TSHR: variants seen among roughly 807,000 people sequenced by gnomAD.
TSHR encodes the protein thyrotropin receptor.
In TSHR, 51 loss-of-function variants were observed where a neutral mutation model predicts 64.1. The observed-to-expected ratio is 0.80, with a 90% CI of 0.64 to 1.01. TSHR has a LOEUF of 1.01. TSHR is among the 50% of genes least tolerant of loss of function. The pLI is 0.00. For synonymous variants in TSHR, 361 were observed against 361.9 expected, an observed-to-expected ratio of 1.00 and a Z score of 0.03; for missense variants, 877 against 942.8, an observed-to-expected ratio of 0.93 and a Z score of 0.91.
At chr14:81,101,143 A>T (rs981651072) in intron 7 of TSHR, among the ~76,000 whole-genome samples, 26 of 152,240 alleles carry the variant, frequency 1.7e-4, no homozygotes, top group Admixed American at 1.7e-3. Flanking sequence ...GTGTGCCAGG[A>T]AACAGATAAG....
At chr14:81,018,651 T>C (rs184788722) in intron 1 of TSHR, among the ~76,000 whole-genome samples, 5 of 152,284 alleles carry the variant, frequency 3.3e-5, no homozygotes, top group African/African-American at 9.6e-5. Flanking sequence ...TACCTAGAAA[T>C]GAACCTGCAT....
At chr14:81,129,727 C>A (rs148054513) in intron 8 of TSHR, among the ~76,000 whole-genome samples, 1 of 152,328 alleles carries the variant, frequency 6.6e-6, no homozygotes, top group East Asian at 1.9e-4. Context: ...TGTCCCACTA[C>A]CACATCTACC....
chr14:81,123,122 G>A (rs548347716), intron 8 of TSHR, among the ~76,000 whole-genome samples: 100 of 120,296 alleles, frequency 8.3e-4, no homozygotes, highest in African/African-American at 3.6e-3. Context: ...GCAAGACTCC[G>A]TCTAAGAAAA....
At chr14:81,125,398 A>G (rs1357228592) in intron 8 of TSHR, among the ~76,000 whole-genome samples, 4 of 152,194 alleles carry the variant, frequency 2.6e-5, no homozygotes, top group Non-Finnish European at 4.4e-5. Flanking sequence ...CTGACGCAGC[A>G]GGTAAAGATG....
At chr14:81,063,084 A>G (rs1400014909) in intron 2 of TSHR, among the ~76,000 whole-genome samples, 1 of 152,126 alleles carries the variant, frequency 6.6e-6, no homozygotes, top group East Asian at 1.9e-4. Context: ...AGTCCCCACA[A>G]CAGAATTATC....
At chr14:81,012,963 A>G (rs1402863688) in intron 1 of TSHR, 6 of 152,004 alleles carry the variant, frequency 3.9e-5, no homozygotes, top group Non-Finnish European at 7.4e-5. Context: ...CCATTTGTCA[A>G]TTTTGGCTTT....
intron 7 of TSHR, among the ~76,000 whole-genome samples, chr14:81,100,315 G>A (rs1315384624): frequency 6.6e-6 from 1 of 152,074 alleles, no homozygotes; most frequent in East Asian, 1.9e-4. Context: ...TCTCTGGTCT[G>A]GTGTTCTACA....
At chr14:81,044,832 A>T (rs1424602950) in intron 1 of TSHR, among the ~76,000 whole-genome samples, 1 of 152,172 alleles carries the variant, frequency 6.6e-6, no homozygotes, top group Non-Finnish European at 1.5e-5. Flanking sequence ...ATTGTGGAAG[A>T]CTGTGTGGTG....
At chr14:80,986,767 G>A (rs561784302) in intron 1 of TSHR, among the ~76,000 whole-genome samples, 5 of 152,312 alleles carry the variant, frequency 3.3e-5, no homozygotes, top group East Asian at 3.9e-4. Flanking sequence ...GATTACAGGC[G>A]TGAGCCACTG....
At chr14:81,132,047 C>G (rs928462666) in intron 8 of TSHR, among the ~76,000 whole-genome samples, 1 of 151,764 alleles carries the variant, frequency 6.6e-6, no homozygotes, top group Non-Finnish European at 1.5e-5. Context: ...TAGACAAGCT[C>G]ACTGTCTTGA....
intron 1 of TSHR, chr14:80,958,382 G>A (rs1886823260): frequency 6.6e-6 from 1 of 152,206 alleles, no homozygotes; most frequent in South Asian, 2.1e-4. Flanking sequence ...CAACTATGGA[G>A]CCTGCACCCT....
chr14:81,072,276 C>A (rs1400063546), intron 3 of TSHR, among the ~76,000 whole-genome samples: 1 of 152,046 alleles, frequency 6.6e-6, no homozygotes, highest in Non-Finnish European at 1.5e-5. Flanking sequence ...TGGAGCCATT[C>A]AAAGTAGAAC....
intron 3 of TSHR, among the ~76,000 whole-genome samples, chr14:81,069,991 A>T (rs1269401125): frequency 6.6e-6 from 1 of 152,226 alleles, no homozygotes; most frequent in Non-Finnish European, 1.5e-5. Flanking sequence ...TCAATAAAAC[A>T]TCTAAATACA....
chr14:80,957,792 C>T (rs2268452), intron 1 of TSHR: 2 of 152,086 alleles, frequency 1.3e-5, no homozygotes, highest in African/African-American at 4.8e-5. Flanking sequence ...TTGGAAGGAG[C>T]CAAATTTCCT....
intron 3 of TSHR, among the ~76,000 whole-genome samples, chr14:81,084,356 CT>C (rs201205225): frequency 0.041 from 6,258 of 151,140 alleles, 295 homozygotes; most frequent in African/African-American, 0.12. Context: ...CTCTTTATTA[CT>C]TTTTTTTATT....
At chr14:81,088,523 T>TA (rs1200030214) in intron 4 of TSHR, among the ~76,000 whole-genome samples, 2 of 152,212 alleles carry the variant, frequency 1.3e-5, no homozygotes, top group Admixed American at 6.5e-5. Flanking sequence ...GAAAACACCT[T>TA]ATGAGCTAAC....
chr14:81,129,900 C>T (rs1304817739), intron 8 of TSHR, among the ~76,000 whole-genome samples: 1 of 152,196 alleles, frequency 6.6e-6, no homozygotes, highest in African/African-American at 2.4e-5. Context: ...CATCTGTATT[C>T]CCCTCCCTAC....
At chr14:81,019,928 A>G (rs1883648690) in intron 1 of TSHR, among the ~76,000 whole-genome samples, 1 of 152,160 alleles carries the variant, frequency 6.6e-6, no homozygotes, top group Admixed American at 6.5e-5. Context: ...ATACATGTGC[A>G]TGTGTCTTTA....
At chr14:80,992,413 A>AT (rs1210236681) in intron 1 of TSHR, 2 of 151,524 alleles carry the variant, frequency 1.3e-5, no homozygotes, top group African/African-American at 2.4e-5. Context: ...AAAAAAAAAA[A>AT]AAAATAAGCT....
Sources: allele counts gnomAD v4.1 joint callset (sites outside exome capture counted in the v4.1 genomes callset), GRCh38; gene constraint gnomAD v4.1.1; transcripts MANE v1.5; gene names NCBI Gene and HGNC (gene_info 2026-07-23, HGNC 2026-07-21).